Variants in ANO2 observed in about 807,000 individuals in gnomAD.
The protein encoded by ANO2 is anoctamin 2.
A neutral mutation model predicts 124.2 loss-of-function variants in ANO2; 101 were observed. The ratio of observed to expected loss-of-function variants is 0.81; its 90% CI spans 0.69 to 0.96. The LOEUF is 0.96. Among genes scored for constraint, ANO2 ranks in the 40% least tolerant of loss-of-function variants. The pLI is 0.00. For synonymous variants in ANO2, 486 were observed against 482.5 expected (o/e 1.01, Z -0.09); for missense variants, 1,293 against 1,274.5 (o/e 1.01, Z -0.22).
intron 20 of ANO2, among the ~76,000 whole-genome samples, chr12:5,589,918 C>T (rs1213132995): frequency 6.6e-6 from 1 of 152,090 alleles, no homozygotes; most frequent in Non-Finnish European, 1.5e-5. Context: ...TCGCTAGGAG[C>T]ACGGGAACCC....
At chr12:5,704,419 T>C (rs1392563255) in intron 14 of ANO2, among the ~76,000 whole-genome samples, 1 of 152,178 alleles carries the variant, frequency 6.6e-6, no homozygotes, top group Non-Finnish European at 1.5e-5. Flanking sequence ...AGCTTTTAAA[T>C]GGGTGGGCAT....
At chr12:5,793,334 C>G (rs192721503) in intron 10 of ANO2, among the ~76,000 whole-genome samples, 9 of 152,078 alleles carry the variant, frequency 5.9e-5, no homozygotes, top group African/African-American at 1.9e-4. Flanking sequence ...ATGAATATGC[C>G]GCAAGAAAAA....
intron 1 of ANO2, among the ~76,000 whole-genome samples, chr12:5,929,206 C>A (rs1942233108): frequency 1.5e-5 from 2 of 134,818 alleles, no homozygotes. Context: ...CCTCACTCGT[C>A]TACCTTCTTT....
At chr12:5,715,525 T>C (rs1374789888) in intron 14 of ANO2, among the ~76,000 whole-genome samples, 3 of 152,192 alleles carry the variant, frequency 2.0e-5, no homozygotes, top group African/African-American at 7.2e-5. Flanking sequence ...ACATCTAAGA[T>C]GATGACCCAT....
chr12:5,804,038 C>T (rs1953121632), intron 9 of ANO2, among the ~76,000 whole-genome samples: 1 of 152,166 alleles, frequency 6.6e-6, no homozygotes, highest in Non-Finnish European at 1.5e-5. Context: ...CCAGAGAGGC[C>T]ACCCTACACT....
At chr12:5,753,615 AG>A (rs2137096289) in intron 10 of ANO2, among the ~76,000 whole-genome samples, 1 of 152,068 alleles carries the variant, frequency 6.6e-6, no homozygotes, top group South Asian at 2.1e-4. Flanking sequence ...TCACCCTCTT[AG>A]TTAAACTTAT....
chr12:5,702,573 C>CAAAA (rs56905348), intron 14 of ANO2, among the ~76,000 whole-genome samples: 3 of 144,482 alleles, frequency 2.1e-5, no homozygotes, highest in Non-Finnish European at 1.5e-5. Context: ...CCAAAAAATG[C>CAAAA]AAAAAAAAAA....
At chr12:5,573,943 A>G (rs1004145000) in intron 23 of ANO2, among the ~76,000 whole-genome samples, 7 of 152,250 alleles carry the variant, frequency 4.6e-5, no homozygotes, top group Admixed American at 1.3e-4. Flanking sequence ...TCATGGTCTC[A>G]GACCACAAAT....
At chr12:5,727,515 A>AC (rs1031392507) in intron 14 of ANO2, among the ~76,000 whole-genome samples, 4 of 151,266 alleles carry the variant, frequency 2.6e-5, no homozygotes, top group Admixed American at 6.6e-5. Context: ...AACAAACCAA[A>AC]AAAAAAAAAA....
At chr12:5,731,726 T>C (rs1950645007) in intron 14 of ANO2, among the ~76,000 whole-genome samples, 1 of 152,050 alleles carries the variant, frequency 6.6e-6, no homozygotes, top group Non-Finnish European at 1.5e-5. Flanking sequence ...GCACAAATTC[T>C]GAAGCTCTGT....
chr12:5,857,772 TGATAGATA>T (rs59071869), intron 3 of ANO2, among the ~76,000 whole-genome samples: 6,122 of 148,324 alleles, frequency 0.041, 127 homozygotes, highest in African/African-American at 0.056. Context: ...AAAAGAAATG[TGATAGATA>T]GATAGATAGA....
chr12:5,748,256 G>GATATAAACCAGCCCACTGGTGCCCC (rs1951329067), intron 11 of ANO2, among the ~76,000 whole-genome samples: 1 of 152,208 alleles, frequency 6.6e-6, no homozygotes, highest in South Asian at 2.1e-4. Flanking sequence ...TCTAAATCCT[G>GATATAAACCAGCCCACTGGTGCCCC]ATATAAACCA....
At position 5,647,747 on chromosome 12, in the gene ANO2, A is replaced by ATTTG. The variant is rs1234570093; in HGVS notation, c.1599_1600insCAAA (p.Phe534GlnfsTer34). 1.9e-6 allele frequency: 3 copies of ATTTG among 1,610,226 alleles called. No individual in the cohort carries two copies. Among genetic ancestry groups the ATTTG allele is most frequent in the Non-Finnish European group, 2.5e-6 (3 of 1,178,608 alleles). On this transcript the variant is annotated frameshift_variant, in exon 15 of 25. Coordinates refer to ENST00000682330, the MANE Select transcript of ANO2 (RefSeq NM_001364791.2). LOFTEE classifies it high-confidence loss of function. The stretch of plus-strand genomic sequence containing the variant: ...ATTACCATGAATAAGATGGAGGCAA[A>ATTTG]GTTCATCAGGTAACCTGGGAAACGA...
At chr12:5,633,912 C>T (rs1032537018) in intron 16 of ANO2, among the ~76,000 whole-genome samples, 4 of 152,130 alleles carry the variant, frequency 2.6e-5, no homozygotes, top group Admixed American at 1.3e-4. Context: ...CTGCCCATCC[C>T]CTCCTCCCTA....
At chr12:5,880,241 T>G (rs1007946679) in intron 3 of ANO2, among the ~76,000 whole-genome samples, 3 of 152,148 alleles carry the variant, frequency 2.0e-5, no homozygotes, top group African/African-American at 7.2e-5. Context: ...AAACTTGAGA[T>G]GTTTCCAAAA....
chr12:5,901,377 G>A (rs1382136352), intron 3 of ANO2, among the ~76,000 whole-genome samples: 1 of 152,182 alleles, frequency 6.6e-6, no homozygotes, highest in Non-Finnish European at 1.5e-5. Flanking sequence ...AGGAACAAGG[G>A]GGAGGACAAG....
intron 14 of ANO2, among the ~76,000 whole-genome samples, chr12:5,663,030 A>C (rs1947526020): frequency 1.3e-5 from 2 of 152,202 alleles, no homozygotes; most frequent in Non-Finnish European, 2.9e-5. Context: ...CTGCTCAGTA[A>C]CCAGTTCTGA....
chr12:5,804,327 C>G (rs1404053050), intron 9 of ANO2, among the ~76,000 whole-genome samples: 1 of 152,188 alleles, frequency 6.6e-6, no homozygotes, highest in Non-Finnish European at 1.5e-5. Context: ...AACATGACCA[C>G]ACAGCACTAG....
chr12:5,917,577 T>C (rs1295929627), intron 3 of ANO2, among the ~76,000 whole-genome samples: 1 of 148,268 alleles, frequency 6.7e-6, no homozygotes, highest in Non-Finnish European at 1.5e-5. Flanking sequence ...TTTTTTTTTT[T>C]TTTTTTTGGA....
Sources: gnomAD v4.1 joint callset for allele counts (sites outside exome capture counted in the v4.1 genomes callset) on GRCh38, gnomAD v4.1.1 for gene constraint, MANE v1.5 for transcripts, NCBI Gene and HGNC (gene_info 2026-07-23, HGNC 2026-07-21) for gene names.